The following GLI3 variants were observed in gnomAD, a reference collection of about 807,000 sequenced individuals.
GLI3 encodes the protein transcription activator GLI3.
In GLI3, 20 loss-of-function variants were observed where a neutral mutation model predicts 100.8. That is an observed-to-expected ratio of 0.20 (90% CI 0.14 to 0.29). The LOEUF (loss-of-function observed/expected upper bound fraction) is 0.29, where lower values mean the gene tolerates loss of function less well. Among genes scored for constraint, GLI3 ranks in the 10% least tolerant of loss-of-function variants. GLI3 has a pLI of 1.00. For missense variants in GLI3, 2,040 were observed against 2,128.5 expected, an observed-to-expected ratio of 0.96 and a Z score of 0.82; for synonymous variants, 938 against 860.5, an observed-to-expected ratio of 1.09 and a Z score of -1.58.
At chr7:41,983,849 C>A (rs1413900298) in intron 10 of GLI3, among the ~76,000 whole-genome samples, 1 of 152,158 alleles carries the variant, frequency 6.6e-6, no homozygotes, top group East Asian at 1.9e-4. Context: ...CCAATTGGGG[C>A]TCCAAGCATT....
At chr7:42,174,515 AG>A (rs1787440235) in intron 2 of GLI3, among the ~76,000 whole-genome samples, 1 of 152,262 alleles carries the variant, frequency 6.6e-6, no homozygotes, top group African/African-American at 2.4e-5. Context: ...AAACGTTAAA[AG>A]CTCCGTGTTG....
At chr7:42,027,717 C>T (rs1471765879) in intron 7 of GLI3, among the ~76,000 whole-genome samples, 2 of 152,172 alleles carry the variant, frequency 1.3e-5, no homozygotes, top group African/African-American at 2.4e-5. Context: ...CCATTTAAGA[C>T]TGAATATCAT....
At chr7:42,063,467 T>C (rs1784612071) in intron 4 of GLI3, among the ~76,000 whole-genome samples, 1 of 152,182 alleles carries the variant, frequency 6.6e-6, no homozygotes. Flanking sequence ...ATAGATTTTT[T>C]AAACATGTAT....
At position 42,113,631 on chromosome 7, in the gene GLI3, G is replaced by A. The variant is rs568144665; in HGVS notation, c.367+34595C>T. ...GCTGGAGATGCCAAGTGAAGTGTCT[G>A]CATTTTTGATAACTGTGTACTTCTG... On this transcript the variant is annotated intron_variant, in intron 3 of 14. Coordinates refer to ENST00000395925, the MANE Select transcript of GLI3 (RefSeq NM_000168.6). The A allele has an allele frequency of 4.5e-5, 43 of 951,926 alleles. No individual in the cohort carries two copies. In the East Asian group the frequency reaches 9.2e-4, roughly 20 times the overall value. 59.0% of individuals were successfully genotyped at this position (951,926 alleles called of 1,614,324 possible).
chr7:42,016,018 G>A (rs188092425), intron 10 of GLI3, among the ~76,000 whole-genome samples: 48 of 152,210 alleles, frequency 3.2e-4, no homozygotes, highest in Admixed American at 2.7e-3. Flanking sequence ...TTGTCATGAC[G>A]AGGGAGGGAA....
chr7:42,201,415 GT>G (rs957178672), intron 2 of GLI3, among the ~76,000 whole-genome samples: 105 of 152,248 alleles, frequency 6.9e-4, no homozygotes, highest in African/African-American at 2.5e-3. Context: ...TAAGGGACAG[GT>G]TAAGTACTTT....
At chr7:42,099,211 G>C (rs932914555) in intron 3 of GLI3, among the ~76,000 whole-genome samples, 4 of 152,140 alleles carry the variant, frequency 2.6e-5, no homozygotes, top group African/African-American at 9.7e-5. Context: ...TGACATGTTT[G>C]ATCAGCTTAA....
At chr7:42,137,855 T>G (rs1473051814) in intron 3 of GLI3, among the ~76,000 whole-genome samples, 1 of 152,184 alleles carries the variant, frequency 6.6e-6, no homozygotes, top group Non-Finnish European at 1.5e-5. Flanking sequence ...CTTAAGACTG[T>G]GTGGAAAAGG....
At chr7:42,123,105 G>A (rs112674319) in intron 3 of GLI3, among the ~76,000 whole-genome samples, 2,864 of 152,244 alleles carry the variant, frequency 0.019, 42 homozygotes, top group Middle Eastern at 0.078. Flanking sequence ...TTTCAAATGC[G>A]TATGTCTGAA....
At chr7:42,074,046 C>T (rs1399233184) in intron 4 of GLI3, among the ~76,000 whole-genome samples, 1 of 152,176 alleles carries the variant, frequency 6.6e-6, no homozygotes, top group Admixed American at 6.5e-5. Flanking sequence ...TCAGAAGGTG[C>T]AAGAGCAACC....
rs550736659 is a variant in GLI3, at chr7:42,087,146, C to T, written c.368-10289G>A. Among the ~76,000 whole-genome samples, 14 of 152,288 alleles carry T rather than the reference C, an allele frequency of 9.2e-5. No homozygotes were observed. The East Asian group carries it at 2.3e-3, about 25-fold the overall frequency. On this transcript the variant is annotated intron_variant, in intron 3 of 14. Transcript: ENST00000395925. ...GGAAAGACATGAAAGGAAACTGAGG[C>T]CACGCAATGACAGTGGTGGACCAGG...
At chr7:42,133,319 T>C (rs991256658) in intron 3 of GLI3, among the ~76,000 whole-genome samples, 1 of 152,192 alleles carries the variant, frequency 6.6e-6, no homozygotes, top group African/African-American at 2.4e-5. Context: ...CAGATATCAT[T>C]AGCTAAATGA....
chr7:42,131,211 A>AT (rs1423751948), intron 3 of GLI3, among the ~76,000 whole-genome samples: 1 of 152,214 alleles, frequency 6.6e-6, no homozygotes, highest in Non-Finnish European at 1.5e-5. Flanking sequence ...TCACAAAGGG[A>AT]TGTCTAGAGA....
intron 2 of GLI3, among the ~76,000 whole-genome samples, chr7:42,178,658 A>T (rs1787529859): frequency 6.6e-6 from 1 of 152,156 alleles, no homozygotes; most frequent in African/African-American, 2.4e-5. Flanking sequence ...CCTGGTCTAG[A>T]CACTTGGACT....
chr7:42,169,751 A>T (rs1031547556), intron 2 of GLI3, among the ~76,000 whole-genome samples: 1 of 146,508 alleles, frequency 6.8e-6, no homozygotes, highest in Admixed American at 6.9e-5. Context: ...AAGCACAAAA[A>T]AAAGAAGAGA....
intron 1 of GLI3, among the ~76,000 whole-genome samples, chr7:42,228,081 G>T (rs1159419379): frequency 2.6e-5 from 4 of 152,250 alleles, no homozygotes; most frequent in Admixed American, 2.6e-4. Context: ...CCAGGCCGCG[G>T]CGGCGGCGCG....
Position 42,257,604 on chromosome 7 carries a change from A to G in GLI3, c.-43+6390T>C, listed in dbSNP as rs891473471. Reference sequence around the variant, plus strand: ...CGTGATCCTCCCACCTCGGGCTCCCAAAGTGCTGGGATTACAGGCATGAGC... The same window carrying G: ...CGTGATCCTCCCACCTCGGGCTCCCGAAGTGCTGGGATTACAGGCATGAGC... On this transcript the variant is annotated intron_variant, in intron 1 of 2. Transcript: ENST00000678978. 2.0e-5 allele frequency among the ~76,000 whole-genome samples: 3 copies of G among 152,184 alleles called. No homozygotes were observed. The South Asian group carries it at 6.2e-4, about 32-fold the overall frequency.
chr7:42,242,535 C>T (rs941628338), upstream of GLI3, among the ~76,000 whole-genome samples: 2 of 152,192 alleles, frequency 1.3e-5, no homozygotes, highest in African/African-American at 2.4e-5. Context: ...GTCATGCCCC[C>T]GTAGGGATAT....
At chr7:42,154,082 C>G (rs1001395250) in intron 2 of GLI3, among the ~76,000 whole-genome samples, 1 of 150,542 alleles carries the variant, frequency 6.6e-6, no homozygotes, top group Non-Finnish European at 1.5e-5. Flanking sequence ...ACTACTACCA[C>G]CAGTAAAAAG....
Sources: allele counts gnomAD v4.1 joint callset (sites outside exome capture counted in the v4.1 genomes callset), GRCh38; gene constraint gnomAD v4.1.1; transcripts MANE v1.5; gene names NCBI Gene and HGNC (gene_info 2026-07-23, HGNC 2026-07-21).